LTBP1: variants seen among roughly 807,000 people sequenced by gnomAD.
LTBP1 encodes the protein latent-transforming growth factor beta-binding protein 1.
Under a neutral mutation model 207.6 loss-of-function variants are expected in LTBP1, and 129 were observed. The ratio of observed to expected loss-of-function variants is 0.62; its 90% CI spans 0.54 to 0.72. LTBP1 has a LOEUF of 0.72. Ranked by LOEUF, LTBP1 falls within the 30% of genes least tolerant of loss-of-function variation. The pLI is 0.00. For missense variants in LTBP1, 2,281 were observed against 2,217.2 expected (o/e 1.03, Z -0.58); for synonymous variants, 963 against 833.7 (o/e 1.16, Z -2.67).
At chr2:33,111,891 A>T (rs2080430133) in intron 4 of LTBP1, among the ~76,000 whole-genome samples, 1 of 152,148 alleles carries the variant, frequency 6.6e-6, no homozygotes, top group Non-Finnish European at 1.5e-5. Context: ...ATCACTTCCA[A>T]GTCATTTGCA....
At chr2:33,115,129 C>T (rs72793772) in intron 4 of LTBP1, among the ~76,000 whole-genome samples, 1,453 of 47,912 alleles carry the variant, frequency 0.03, 18 homozygotes, top group African/African-American at 0.12. Flanking sequence ...CATATATATA[C>T]ACACACACAC....
chr2:33,344,931 C>A (rs1449816455), intron 25 of LTBP1, among the ~76,000 whole-genome samples: 4 of 152,190 alleles, frequency 2.6e-5, no homozygotes, highest in Non-Finnish European at 4.4e-5. Flanking sequence ...TCATTTCTAA[C>A]CAGCCAGATG....
intron 3 of LTBP1, among the ~76,000 whole-genome samples, chr2:33,102,206 T>C (rs2079777645): frequency 6.6e-6 from 1 of 152,196 alleles, no homozygotes; most frequent in Non-Finnish European, 1.5e-5. Context: ...TTGGTGATAG[T>C]AGCCCACGTT....
chr2:33,382,252 G>A (rs535395684), intron 31 of LTBP1, among the ~76,000 whole-genome samples: 14 of 151,598 alleles, frequency 9.2e-5, no homozygotes, highest in East Asian at 3.9e-4. Context: ...ACGCCACCAC[G>A]CCTGGCTAAT....
At chr2:33,273,466 GACTA>G (rs968505858) in intron 15 of LTBP1, among the ~76,000 whole-genome samples, 186 bp from the exon 16 acceptor site, 4 of 152,062 alleles carry the variant, frequency 2.6e-5, no homozygotes, top group African/African-American at 9.7e-5. Context: ...CCTTGGATAG[GACTA>G]ACTAATCCAT....
At chr2:33,314,849 A>T (rs988605460) in intron 23 of LTBP1, among the ~76,000 whole-genome samples, 2 of 152,200 alleles carry the variant, frequency 1.3e-5, no homozygotes, top group African/African-American at 4.8e-5. Context: ...AGAGTTGTGG[A>T]GTATTCCTCA....
chr2:33,103,858 G>A (rs2079900644), intron 3 of LTBP1, among the ~76,000 whole-genome samples: 1 of 152,088 alleles, frequency 6.6e-6, no homozygotes, highest in Non-Finnish European at 1.5e-5. Context: ...ATTTTGTGGA[G>A]AAGAACTGGC....
chr2:32,953,631 C>T (rs1181390513), intron 2 of LTBP1, among the ~76,000 whole-genome samples: 1 of 152,206 alleles, frequency 6.6e-6, no homozygotes, highest in East Asian at 1.9e-4. Flanking sequence ...ATGAAGCCCT[C>T]CTCCGGCCCA....
At chr2:33,137,160 G>A (rs888926484) in intron 5 of LTBP1, among the ~76,000 whole-genome samples, 3 of 152,014 alleles carry the variant, frequency 2.0e-5, no homozygotes, top group South Asian at 2.1e-4. Context: ...ATTCAAAAAC[G>A]TTTATGCATA....
chr2:33,386,198 A>G (rs374706767), intron 31 of LTBP1, among the ~76,000 whole-genome samples: 2 of 152,186 alleles, frequency 1.3e-5, no homozygotes, highest in South Asian at 2.1e-4. Context: ...CATAATTCCT[A>G]CATACCTACT....
At chr2:33,115,259 T>C (rs1316574440) in intron 4 of LTBP1, among the ~76,000 whole-genome samples, 1 of 152,050 alleles carries the variant, frequency 6.6e-6, no homozygotes, top group Non-Finnish European at 1.5e-5. Context: ...CCAGACTACA[T>C]GCTATATGAG....
intron 18 of LTBP1, 21 bp downstream of exon 18, chr2:33,275,944 C>T: frequency 6.4e-7 from 1 of 1,559,364 alleles, no homozygotes; most frequent in Non-Finnish European, 8.7e-7. Flanking sequence ...TGAGAGTGTT[C>T]AGCACACATG....
At chr2:33,067,880 CTATT>C (rs1346759576) in intron 3 of LTBP1, among the ~76,000 whole-genome samples, 1 of 152,164 alleles carries the variant, frequency 6.6e-6, no homozygotes, top group Non-Finnish European at 1.5e-5. Flanking sequence ...AATTCAAAAT[CTATT>C]TAACTGTGCA....
At chr2:33,014,760 G>T (rs1688139668) in intron 2 of LTBP1, among the ~76,000 whole-genome samples, 1 of 152,188 alleles carries the variant, frequency 6.6e-6, no homozygotes, top group Non-Finnish European at 1.5e-5. Flanking sequence ...TGTCAAACTG[G>T]AGTAGATACG....
intron 22 of LTBP1, among the ~76,000 whole-genome samples, chr2:33,304,112 C>G (rs2094044449): frequency 6.6e-6 from 1 of 152,158 alleles, no homozygotes; most frequent in Non-Finnish European, 1.5e-5. Flanking sequence ...CAAACTCGTT[C>G]TTCATTATTA....
intron 3 of LTBP1, among the ~76,000 whole-genome samples, chr2:33,074,430 C>A (rs1572506488): frequency 6.6e-6 from 1 of 152,118 alleles, no homozygotes; most frequent in East Asian, 1.9e-4. Context: ...GCTGGTGATA[C>A]CTGCCTTAAG....
chr2:33,031,239 T>C (rs966261964), intron 3 of LTBP1, among the ~76,000 whole-genome samples: 16 of 152,226 alleles, frequency 1.1e-4, no homozygotes, highest in Admixed American at 2.6e-4. Flanking sequence ...GAGAGGCTTA[T>C]TGACTTACAC....
At chr2:33,335,685 A>G (rs1225912459) in intron 24 of LTBP1, among the ~76,000 whole-genome samples, 1 of 152,118 alleles carries the variant, frequency 6.6e-6, no homozygotes, top group African/African-American at 2.4e-5. Flanking sequence ...GCCAGCAGCC[A>G]TGCCATTTTA....
intron 4 of LTBP1, among the ~76,000 whole-genome samples, chr2:33,121,290 G>A (rs1230484440): frequency 6.8e-6 from 1 of 146,546 alleles, no homozygotes; most frequent in Non-Finnish European, 1.5e-5. Flanking sequence ...TTTTCTTACT[G>A]AATGAAAATA....
Sources: gnomAD v4.1 joint callset for allele counts (sites outside exome capture counted in the v4.1 genomes callset) on GRCh38, gnomAD v4.1.1 for gene constraint, MANE v1.5 for transcripts, NCBI Gene and HGNC (gene_info 2026-07-23, HGNC 2026-07-21) for gene names.